Variants in SPATA31C2 observed in about 807,000 individuals in gnomAD.
SPATA31C2 encodes the protein spermatogenesis-associated protein 31C2.
A neutral mutation model predicts 11.4 loss-of-function variants in SPATA31C2; 5 were observed. The ratio of observed to expected loss-of-function variants is 0.44; its 90% CI spans 0.23 to 0.92. The LOEUF (loss-of-function observed/expected upper bound fraction) is 0.92, where lower values mean the gene tolerates loss of function less well. Ranked by LOEUF, SPATA31C2 falls within the 40% of genes least tolerant of loss-of-function variation. SPATA31C2 has a pLI of 0.24. For missense variants in SPATA31C2, 1,353 were observed against 1,368.6 expected (o/e 0.99, Z 0.18); for synonymous variants, 515 against 538.7 (o/e 0.96, Z 0.61).
Position 88,132,404 on chromosome 9 carries a change from A to C in SPATA31C2, c.633T>G (p.Pro211=). Reference sequence around the variant, plus strand: ...GAGGATCAGGAGTGCGTGGTGGGTGAGGGAAAAGTGCAGGTGGCTCGGGTG... The same window carrying C: ...GAGGATCAGGAGTGCGTGGTGGGTGCGGGAAAAGTGCAGGTGGCTCGGGTG... ...HPSPEPPALF[P]HPPRTPDPLA... The change falls in exon 4 of 4, where the codon CCT becomes CCG. Residue 211 remains proline, a synonymous_variant. Transcript: ENST00000324915. 1 of 1,611,116 alleles carries C rather than the reference A, an allele frequency of 6.2e-7. No individual in the cohort carries two copies. The highest frequency in any genetic ancestry group is 1.1e-5 in the South Asian group (1 of 91,000).
In SPATA31C2 at chr9:88,130,288, C is replaced by T. The variant is rs1238901681; in HGVS notation, c.2749G>A (p.Glu917Lys). The T allele has an allele frequency of 1.2e-6, 2 of 1,609,296 alleles. No homozygotes were observed. The highest frequency in any genetic ancestry group is 1.1e-5 in the South Asian group (1 of 90,864). ...CTGGCTGACATGAGGTCACATAGCT[C>T]CTGGGAAGCCTGCATGTTCCCAGTA... is the stretch of plus-strand genomic sequence containing the variant. ...MPTGNMQASQ[E>K]LCDLMSARRS... Residue 917 changes from glutamate to lysine, a missense_variant, in exon 4 of 4, where the codon GAG (glutamate) becomes AAG (lysine). Coordinates refer to ENST00000324915, the MANE Select transcript of SPATA31C2 (RefSeq NM_001350978.3).
chr9:88,129,767 A>G lies in SPATA31C2; in HGVS notation c.3270T>C (p.Cys1090=), dbSNP rs570334487. The G allele has an allele frequency of 1.9e-4, 312 of 1,603,944 alleles. No homozygotes were observed. The highest frequency in any genetic ancestry group is 2.6e-4 in the Non-Finnish European group (305 of 1,173,608). ...QQRQQFQAPV[C]GFPCNHRHPF... ...GGTGTCTGTGGTTGCAGGGAAACCC[A>G]CAGACTGGGGCTTGAAACTGCTGTC... The change falls in exon 4 of 4, where the codon TGT becomes TGC. Residue 1090 remains cysteine (C), a synonymous_variant. Coordinates refer to ENST00000324915, the MANE Select transcript of SPATA31C2 (RefSeq NM_001350978.3).
chr9:88,133,479 G>C, intron 2 of SPATA31C2, 115 bp downstream of exon 2: 4 of 1,411,944 alleles, frequency 2.8e-6, no homozygotes, highest in Non-Finnish European at 3.8e-6. Context: ...CCAGGGTTCT[G>C]ATTTCCTTCC....
At position 88,131,875 on chromosome 9, in the gene SPATA31C2, C is replaced by T. The variant is rs202157132; in HGVS notation, c.1162G>A (p.Ala388Thr). ...ACPASQNKVQALSLPETQHPE... is the reference protein window; with the variant it reads ...ACPASQNKVQTLSLPETQHPE... ...TGCTGAGTTTCAGGTAGGGAGAGAG[C>T]TTGCACTTTATTCTGCGACGCAGGG... The change falls in exon 4 of 4, where the codon GCT becomes ACT. Residue 388 changes from alanine to threonine, a missense_variant. Transcript: ENST00000324915. The T allele has an allele frequency of 2.7e-4, 440 of 1,610,820 alleles. 4 individuals carry two copies. In the South Asian group the frequency reaches 4.6e-3, roughly 17 times the overall value.
At chr9:88,134,288 C>G (rs1277893958) in intron 1 of SPATA31C2, among the ~76,000 whole-genome samples, 10 of 137,096 alleles carry the variant, frequency 7.3e-5, no homozygotes, top group Non-Finnish European at 1.6e-4. Context: ...TGTCAGGTAG[C>G]ATTCTGCTTG....
intron 1 of SPATA31C2, among the ~76,000 whole-genome samples, chr9:88,135,310 G>C (rs1400403911): frequency 1.8e-5 from 2 of 111,196 alleles, no homozygotes; most frequent in East Asian, 7.5e-4. Context: ...AAAATCTGTA[G>C]TTGACTCTGA....
In SPATA31C2 at chr9:88,130,892, C is replaced by G. The variant is rs1563961680; in HGVS notation, c.2145G>C (p.Leu715=). The part of the protein sequence containing the change: ...TFLGEPPMAS[L]RKQVLTKPSV... ...ATGGTTTGGTCAGCACCTGCTTTCT[C>G]AGACTTGCCATTGGTGGCTCTCCAA... Residue 715 remains leucine (L), a synonymous_variant, in exon 4 of 4, where the codon CTG becomes CTC. Transcript: ENST00000324915. The G allele has an allele frequency of 6.2e-7, 1 of 1,613,796 alleles. No homozygotes were observed. The highest frequency in any genetic ancestry group is 1.1e-5 in the South Asian group (1 of 91,070).
At chr9:88,137,214 C>T (rs1263543449) in intron 1 of SPATA31C2, among the ~76,000 whole-genome samples, 2 of 148,382 alleles carry the variant, frequency 1.3e-5, no homozygotes, top group African/African-American at 5.0e-5. Flanking sequence ...CATACAAGTA[C>T]AACCAACTGA....
rs1428218512 is a variant in SPATA31C2, at chr9:88,131,601, G to C, written c.1436C>G (p.Thr479Arg). The C allele has an allele frequency of 3.1e-6, 5 of 1,611,794 alleles. No individual in the cohort carries two copies. The highest frequency in any genetic ancestry group is 1.3e-5 in the African/African-American group (1 of 74,840). ...CCTGGGTTTGCCCTTGGCCTGACTTGTCCCTGGCAATTCATCCTGAAGCTG... is the reference window on the plus strand; with the variant it reads ...CCTGGGTTTGCCCTTGGCCTGACTTCTCCCTGGCAATTCATCCTGAAGCTG... ...LMQLQDELPG[T>R]SQAKGKPRPW... The change falls in exon 4 of 4, where the codon ACA becomes AGA. Residue 479 changes from threonine (T) to arginine (R), a missense_variant. By Grantham distance (71) the Thr-to-Arg change is moderately conservative. Around this residue, in one of 6 missense-constraint regions of SPATA31C2, gnomAD observed 1,075 missense variants for 992.8 expected, o/e 1.08. Transcript: ENST00000324915.
At chr9:88,135,258 A>G (rs1478907103) in intron 1 of SPATA31C2, among the ~76,000 whole-genome samples, 2,755 of 93,460 alleles carry the variant, frequency 0.029, 7 homozygotes, top group East Asian at 0.13. Context: ...CCTTTTATCT[A>G]TTGGAGTCGG....
Position 88,129,915 on chromosome 9 carries a change from T to C in SPATA31C2, c.3122A>G (p.Asn1041Ser). 1 of 1,606,868 alleles carries C rather than the reference T, an allele frequency of 6.2e-7. No homozygotes were observed. Among genetic ancestry groups the C allele is most frequent in the Non-Finnish European group, 8.5e-7 (1 of 1,175,360 alleles). The change falls in exon 4 of 4, where the codon AAC becomes AGC. Residue 1041 changes from asparagine (N) to serine (S), a missense_variant. Transcript: ENST00000324915. Reference sequence around the variant, plus strand: ...ACTGCTGCCGTACACGCATGATCTGTTTTTTACTGTTTTTTGGCTCTCAGC... The same window carrying C: ...ACTGCTGCCGTACACGCATGATCTGCTTTTTACTGTTTTTTGGCTCTCAGC... Reference protein sequence around the residue: ...VTAESQKTVKNRSCVYGSSAE... With the variant: ...VTAESQKTVKSRSCVYGSSAE...
rs762855702 is a variant in SPATA31C2 at position 88,132,750 on chromosome 9, A to G, written c.327-40T>C. On this transcript the variant is annotated intron_variant, in intron 3 of 3. Transcript: ENST00000324915. ...AGGCACAAGCTGCAGCCAGGAGCAG[A>G]TGGGTTCGGAGGGCAGAGTGGGCGC... The G allele has an allele frequency of 3.2e-6, 5 of 1,578,602 alleles. 1 individual carries two copies. Among genetic ancestry groups the G allele is most frequent in the African/African-American group, 3.0e-5 (2 of 66,940 alleles).
Position 88,132,371 on chromosome 9 carries a change from G to A in SPATA31C2, c.666C>T (p.Cys222=). 1 of 1,611,140 alleles carries A rather than the reference G, an allele frequency of 6.2e-7. No individual in the cohort carries two copies. The highest frequency in any genetic ancestry group is 8.5e-7 in the Non-Finnish European group (1 of 1,178,052). ...HPPRTPDPLA[C]SPPPPKGFTP... is the part of the protein sequence containing the mutation. ...TGAAGCCTTTCGGAGGAGGCGGAGA[G>A]CAGGCCAGAGGATCAGGAGTGCGTG... The change falls in exon 4 of 4, where the codon TGC becomes TGT. Residue 222 remains cysteine (C), a synonymous_variant. Coordinates refer to ENST00000324915, the MANE Select transcript of SPATA31C2 (RefSeq NM_001350978.3).
intron 1 of SPATA31C2, among the ~76,000 whole-genome samples, chr9:88,135,803 C>G (rs1276148641): frequency 1.3e-3 from 187 of 139,806 alleles, no homozygotes; most frequent in Middle Eastern, 4.0e-3. Flanking sequence ...AGGCATGAGC[C>G]ACTGCGCCCA....
At chr9:88,136,674 ATCT>A (rs1328947586) in intron 1 of SPATA31C2, among the ~76,000 whole-genome samples, 1 of 144,814 alleles carries the variant, frequency 6.9e-6, no homozygotes, top group Non-Finnish European at 1.5e-5. Flanking sequence ...TTGAGATGTG[ATCT>A]TTTTTTTTTT....
chr9:88,132,772 G>T (rs1825624110), intron 3 of SPATA31C2, 62 bp from the exon 4 acceptor site: 1 of 1,544,188 alleles, frequency 6.5e-7, no homozygotes, highest in South Asian at 1.2e-5. Flanking sequence ...GGCAGAGTGG[G>T]CGCTTGGGCC....
rs548448156 is a variant in SPATA31C2 at position 88,129,701 on chromosome 9, G to A, written c.3336C>T (p.Ala1112=). The A allele has an allele frequency of 1.2e-6, 2 of 1,603,634 alleles. No individual in the cohort carries two copies. The highest frequency in any genetic ancestry group is 4.5e-5 in the East Asian group (2 of 44,518). Residue 1112 remains alanine, a synonymous_variant, in exon 4 of 4, where the codon GCC becomes GCT. Transcript: ENST00000324915. ...SEHSRMLSYA[A]SSQQATLKNQ... Reference sequence around the variant, plus strand: ...TCTTGAGAGTGGCTTGTTGACTGCTGGCTGCATAGCTCAGCATTCTGCTGT... The same window carrying A: ...TCTTGAGAGTGGCTTGTTGACTGCTAGCTGCATAGCTCAGCATTCTGCTGT...
rs1219437725 is a variant in SPATA31C2 at position 88,132,149 on chromosome 9, C to T, written c.888G>A (p.Trp296Ter). 1 of 1,610,598 alleles carries T rather than the reference C, an allele frequency of 6.2e-7. No individual in the cohort carries two copies. Among genetic ancestry groups the T allele is most frequent in the Non-Finnish European group, 8.5e-7 (1 of 1,177,586 alleles). The change falls in exon 4 of 4, where the codon TGG (tryptophan) becomes TGA (stop). Residue 296 changes from tryptophan to a stop codon, truncating the protein, a stop_gained. Transcript: ENST00000324915. LOFTEE classifies it low-confidence loss of function (END_TRUNC). The part of the protein sequence containing the change: ...LSWSQETTKT[W>*]CVFNSSVQQD... ...GCTGGACTGACGAGTTGAAGACGCA[C>T]CAGGTTTTGGTAGTCTCCTGCGACC...
chr9:88,131,225 G>C lies in SPATA31C2; in HGVS notation c.1812C>G (p.Asn604Lys), dbSNP rs1825586617. 1 of 1,611,912 alleles carries C rather than the reference G, an allele frequency of 6.2e-7. No homozygotes were observed. Residue 604 changes from asparagine (N) to lysine (K), a missense_variant, in exon 4 of 4, where the codon AAC becomes AAG. Asn to Lys is a moderately conservative substitution (Grantham distance 94). Around this residue, in one of 6 missense-constraint regions of SPATA31C2, gnomAD observed 1,075 missense variants for 992.8 expected, o/e 1.08. Transcript: ENST00000324915. Reference protein sequence around the residue: ...VSVRRSWLAVNQAFPVSNTHV... With the variant: ...VSVRRSWLAVKQAFPVSNTHV... ...GGGTGTTGGAGACGGGAAAAGCCTG[G>C]TTGACAGCAAGCCAGGATCGACGCA...
Sources: gnomAD v4.1 joint callset for allele counts (sites outside exome capture counted in the v4.1 genomes callset) on GRCh38, gnomAD v4.1.1 for gene constraint, gnomAD v4.1.1 regional missense constraint, MANE v1.5 for transcripts, NCBI Gene and HGNC (gene_info 2026-07-23, HGNC 2026-07-21) for gene names.